Variants in STK39 observed in about 807,000 individuals in gnomAD.
STK39 encodes the protein serine/threonine kinase 39, also known as STE20/SPS1-related proline-alanine-rich protein kinase.
In STK39, 20 loss-of-function variants were observed where a neutral mutation model predicts 77.8. The observed-to-expected ratio is 0.26, with a 90% confidence interval of 0.18 to 0.37. STK39 has a LOEUF of 0.37. STK39 is among the 10% of genes least tolerant of loss of function. STK39 has a pLI of 1.00. For missense variants in STK39, 479 were observed against 656.5 expected, an observed-to-expected ratio of 0.73 and a Z score of 2.95; for synonymous variants, 246 against 234.1, an observed-to-expected ratio of 1.05 and a Z score of -0.47.
intron 14 of STK39, among the ~76,000 whole-genome samples, chr2:168,060,566 A>G (rs184901838): frequency 9.8e-5 from 15 of 152,300 alleles, no homozygotes; most frequent in Admixed American, 9.8e-4. Flanking sequence ...TATTTTTTTT[A>G]ATGGCAACCT....
chr2:168,232,725 A>G (rs1481810542), intron 1 of STK39, among the ~76,000 whole-genome samples: 4 of 152,128 alleles, frequency 2.6e-5, no homozygotes, highest in Non-Finnish European at 5.9e-5. Context: ...AGCCTGGCCA[A>G]CATGGTGAAA....
chr2:167,983,370 T>C (rs970488257), intron 16 of STK39, among the ~76,000 whole-genome samples: 14 of 149,542 alleles, frequency 9.4e-5, no homozygotes, highest in African/African-American at 3.2e-4. Flanking sequence ...TGCCAGCTAC[T>C]TGGGAGGCTG....
chr2:168,091,970 A>G (rs922900803), intron 10 of STK39, among the ~76,000 whole-genome samples: 1 of 152,218 alleles, frequency 6.6e-6, no homozygotes, highest in African/African-American at 2.4e-5. Context: ...ATATCAGTCT[A>G]CGTTCAATTT....
chr2:168,020,239 T>C (rs867096034), intron 14 of STK39, among the ~76,000 whole-genome samples: 1 of 152,190 alleles, frequency 6.6e-6, no homozygotes, highest in African/African-American at 2.4e-5. Context: ...CCCCATTATA[T>C]GTCAATATAA....
intron 1 of STK39, among the ~76,000 whole-genome samples, chr2:168,209,628 C>T (rs1033539422): frequency 3.9e-5 from 6 of 152,030 alleles, no homozygotes; most frequent in African/African-American, 1.5e-4. Flanking sequence ...TGGAGTGAGC[C>T]GAGATCGCAC....
At chr2:167,964,558 A>G in intron 17 of STK39, 104 bp downstream of exon 17, 6 of 1,111,682 alleles carry the variant, frequency 5.4e-6, no homozygotes, top group Middle Eastern at 2.6e-4. Context: ...AAAAGAAAAC[A>G]ACAACAGCAA....
chr2:167,978,625 A>G (rs552617279), intron 16 of STK39, among the ~76,000 whole-genome samples: 1 of 152,322 alleles, frequency 6.6e-6, no homozygotes, highest in South Asian at 2.1e-4. Context: ...GCCTTACTGA[A>G]GTATAACTAA....
intron 12 of STK39, among the ~76,000 whole-genome samples, chr2:168,068,406 C>T (rs1031161148): frequency 2.6e-5 from 4 of 152,166 alleles, no homozygotes; most frequent in African/African-American, 9.7e-5. Context: ...TAGCTAAATG[C>T]AATGTGCTAT....
intron 1 of STK39, among the ~76,000 whole-genome samples, chr2:168,197,507 A>C (rs1689501095): frequency 6.6e-6 from 1 of 152,206 alleles, no homozygotes; most frequent in Non-Finnish European, 1.5e-5. Flanking sequence ...CAGGGGAAGG[A>C]ACAATAAAAA....
chr2:167,977,012 A>G (rs1205509714), intron 16 of STK39, among the ~76,000 whole-genome samples: 1 of 152,192 alleles, frequency 6.6e-6, no homozygotes, highest in African/African-American at 2.4e-5. Context: ...AACAGTCTTG[A>G]GTATTAGTAT....
chr2:168,129,561 T>C lies in STK39; in HGVS notation c.1069A>G (p.Ile357Val), dbSNP rs775341343. 6.2e-6 allele frequency: 10 copies of C among 1,613,988 alleles called. No homozygotes were observed. The highest frequency in any genetic ancestry group is 2.2e-5 in the East Asian group (1 of 44,884). ...IEKLLTRTPDIAQRAKKVRRV... is the reference protein window; with the variant it reads ...IEKLLTRTPDVAQRAKKVRRV... Reference sequence around the variant, plus strand: ...CTTACCTTTTTGGCTCTTTGGGCTATGTCTGGTGTTCTTGTAAGCAGCTTC... The same window carrying C: ...CTTACCTTTTTGGCTCTTTGGGCTACGTCTGGTGTTCTTGTAAGCAGCTTC... The change falls in exon 10 of 18, where the codon ATA becomes GTA. Residue 357 changes from isoleucine to valine, a missense_variant. Ile to Val is a conservative substitution (Grantham distance 29). Around this residue, in one of 3 missense-constraint regions of STK39, gnomAD observed 244 missense variants for 296.8 expected, o/e 0.82. Transcript: ENST00000355999.
intron 1 of STK39, among the ~76,000 whole-genome samples, chr2:168,237,120 T>A (rs976602995): frequency 6.6e-5 from 10 of 152,212 alleles, no homozygotes; most frequent in African/African-American, 9.7e-5. Context: ...CTTTTATTCA[T>A]TGAGCAGTGG....
At chr2:168,083,226 TCC>T (rs1180626829) in intron 10 of STK39, among the ~76,000 whole-genome samples, 1 of 148,922 alleles carries the variant, frequency 6.7e-6, no homozygotes. Context: ...TTCCACATTC[TCC>T]TTTTTTTTTT....
intron 16 of STK39, among the ~76,000 whole-genome samples, chr2:167,966,692 C>A (rs551023590): frequency 6.6e-6 from 1 of 152,226 alleles, no homozygotes; most frequent in East Asian, 1.9e-4. Flanking sequence ...GAGCTGCCTG[C>A]ATCTTAAACA....
intron 10 of STK39, among the ~76,000 whole-genome samples, chr2:168,092,665 C>CACACT (rs1173693042): frequency 6.6e-6 from 1 of 152,210 alleles, no homozygotes; most frequent in Non-Finnish European, 1.5e-5. Context: ...TAACCCAGGT[C>CACACT]ACACTGCAGG....
At chr2:168,057,759 T>C (rs969647725) in intron 14 of STK39, among the ~76,000 whole-genome samples, 1 of 152,142 alleles carries the variant, frequency 6.6e-6, no homozygotes, top group Non-Finnish European at 1.5e-5. Flanking sequence ...ATTCCCTGTT[T>C]TACTGGGAAA....
In STK39 at chr2:168,227,654, T is replaced by C. The variant is rs187025862; in HGVS notation, c.208+19574A>G. 1.0e-3 allele frequency among the ~76,000 whole-genome samples: 159 copies of C among 152,300 alleles called. 1 individual carries two copies. Among genetic ancestry groups the C allele is most frequent in the African/African-American group, 3.7e-3 (154 of 41,568 alleles). On this transcript the variant is annotated intron_variant, in intron 1 of 17. Coordinates refer to ENST00000355999, the MANE Select transcript of STK39 (RefSeq NM_013233.3). ...TAACTTCTCTCTGTGCCAGAACTTT[T>C]TGTAAAACAATTTTTCTTTTTTATT...
chr2:168,223,791 C>T (rs947332963), intron 1 of STK39, among the ~76,000 whole-genome samples: 1 of 151,994 alleles, frequency 6.6e-6, no homozygotes, highest in Non-Finnish European at 1.5e-5. Context: ...AGTAATTGGT[C>T]CAGTCCTTGG....
At chr2:168,176,830 G>A (rs76784716) in intron 2 of STK39, among the ~76,000 whole-genome samples, 10,789 of 152,138 alleles carry the variant, frequency 0.071, 411 homozygotes, top group African/African-American at 0.076. Flanking sequence ...CTATCATACC[G>A]TAATGCTAAA....
Sources: gnomAD v4.1 joint callset for allele counts (sites outside exome capture counted in the v4.1 genomes callset) on GRCh38, gnomAD v4.1.1 for gene constraint, gnomAD v4.1.1 regional missense constraint, MANE v1.5 for transcripts, NCBI Gene and HGNC (gene_info 2026-07-23, HGNC 2026-07-21) for gene names.